Variants in SP7 observed in about 807,000 individuals in gnomAD.
SP7 encodes the protein transcription factor Sp7.
In SP7, 13 loss-of-function variants were observed where a neutral mutation model predicts 27.9. The ratio of observed to expected loss-of-function variants is 0.47; its 90% CI spans 0.30 to 0.74. SP7 has a LOEUF of 0.74. Ranked by LOEUF, SP7 falls within the 30% of genes least tolerant of loss-of-function variation. The pLI is 0.06. For missense variants in SP7, 525 were observed against 558.0 expected (o/e 0.94, Z 0.60); for synonymous variants, 219 against 226.7 (o/e 0.97, Z 0.31).
chr12:53,342,307 G>A (rs1051375288), intron 1 of SP7, among the ~76,000 whole-genome samples: 2 of 151,818 alleles, frequency 1.3e-5, no homozygotes, highest in Non-Finnish European at 1.5e-5. Flanking sequence ...GCTTTCTCTG[G>A]CCTGCTGCAT....
In SP7 at chr12:53,328,844, A is replaced by G; in HGVS notation, c.598T>C (p.Ser200Pro). 2 of 1,602,658 alleles carry G rather than the reference A, an allele frequency of 1.2e-6. No individual in the cohort carries two copies. Among genetic ancestry groups the G allele is most frequent in the South Asian group, 1.1e-5 (1 of 90,188 alleles). Residue 200 changes from serine to proline, a missense_variant, in exon 3 of 3, where the codon TCT becomes CCT. By Grantham distance (74) the Ser-to-Pro change is moderately conservative. Coordinates refer to ENST00000536324, the MANE Select transcript of SP7 (RefSeq NM_001173467.3). The surrounding 1 kb of genome is among the most constrained non-coding windows in gnomAD (Gnocchi z 5.1). Reference sequence around the variant, plus strand: ...GCTGGATTAAGGGGAGCAAAGTCAGATGGGTAGGTGGGCAGCTGGGGGTTC... The same window carrying G: ...GCTGGATTAAGGGGAGCAAAGTCAGGTGGGTAGGTGGGCAGCTGGGGGTTC... ...PLNPQLPTYP[S>P]DFAPLNPAPY...
In SP7 at chr12:53,328,794, C is replaced by T. The variant is rs1157789687; in HGVS notation, c.648G>A (p.Leu216=). The T allele has an allele frequency of 3.8e-6, 6 of 1,596,962 alleles. No homozygotes were observed. Among genetic ancestry groups the T allele is most frequent in the Non-Finnish European group, 5.1e-6 (6 of 1,168,214 alleles). The change falls in exon 3 of 3, where the codon TTG becomes TTA. Residue 216 remains leucine, a synonymous_variant. Transcript: ENST00000536324. The surrounding 1 kb of genome is among the most constrained non-coding windows in gnomAD (Gnocchi z 5.1). ...NPAPYPAPHL[L]QPGPQHVLPQ... is the part of the protein sequence containing the mutation. Reference sequence around the variant, plus strand: ...GCAAGACATGCTGGGGCCCTGGTTGCAAGAGGTGGGGAGCTGGGTAGGGGG... The same window carrying T: ...GCAAGACATGCTGGGGCCCTGGTTGTAAGAGGTGGGGAGCTGGGTAGGGGG...
At chr12:53,342,814 C>CA (rs1214241343) in intron 1 of SP7, among the ~76,000 whole-genome samples, 2 of 147,854 alleles carry the variant, frequency 1.4e-5, no homozygotes, top group Admixed American at 6.8e-5. Context: ...GACTCCGTCT[C>CA]AAAAAATAAA....
rs911771765 is a variant in SP7 at position 53,344,088 on chromosome 12, A to T, written c.-34+1026T>A. Among the ~76,000 whole-genome samples the T allele has an allele frequency of 6.6e-6, 1 of 152,078 alleles. No homozygotes were observed. Reference sequence around the variant, plus strand: ...AAAAAAATAAGTCAATGAAGGGGTGATATTGAGGATGTGAGGTGGAGAGGA... The same window carrying T: ...AAAAAAATAAGTCAATGAAGGGGTGTTATTGAGGATGTGAGGTGGAGAGGA... On this transcript the variant is annotated intron_variant, in intron 1 of 1. Transcript: ENST00000547755. This position sits in a 1 kb window ranked among gnomAD's most constrained non-coding sequence, Gnocchi z 4.6.
At chr12:53,342,817 A>T (rs960232771) in intron 1 of SP7, among the ~76,000 whole-genome samples, 11 of 151,704 alleles carry the variant, frequency 7.3e-5, no homozygotes, top group Non-Finnish European at 1.3e-4. Context: ...TCCGTCTCAA[A>T]AAATAAATAA....
intron 2 of SP7, among the ~76,000 whole-genome samples, chr12:53,329,856 G>A (rs1241733485): frequency 1.0e-4 from 15 of 149,472 alleles, no homozygotes; most frequent in Admixed American, 2.0e-4. Context: ...CTCAGCCTCC[G>A]GAGGAGTTGG....
At chr12:53,332,492 C>A (rs1366022303) in intron 2 of SP7, among the ~76,000 whole-genome samples, 1 of 152,092 alleles carries the variant, frequency 6.6e-6, no homozygotes, top group South Asian at 2.1e-4. Flanking sequence ...ATGGGAAGCT[C>A]ACTTGAGCTA....
In SP7 at chr12:53,328,648, G is replaced by A. The variant is rs1179825039; in HGVS notation, c.794C>T (p.Ala265Val). The A allele has an allele frequency of 1.2e-6, 2 of 1,609,580 alleles. No homozygotes were observed. The highest frequency in any genetic ancestry group is 2.7e-5 in the African/African-American group (2 of 74,850). ...GGSGGYGGSG[A>V]GRSSCDCPNC... ...AGGGCAGTCGCAGGAGGAGCGCCCT[G>A]CCCCACTGCCCCCATATCCACCACT... Residue 265 changes from alanine (A) to valine (V), a missense_variant, in exon 3 of 3, where the codon GCA becomes GTA. Transcript: ENST00000536324. This position sits in a 1 kb window ranked among gnomAD's most constrained non-coding sequence, Gnocchi z 5.1.
chr12:53,335,110 C>G (rs1944751929), intron 2 of SP7, among the ~76,000 whole-genome samples: 2 of 152,014 alleles, frequency 1.3e-5, no homozygotes, highest in South Asian at 4.2e-4. Flanking sequence ...CACACCAGCT[C>G]ACGGGCCCAG....
At chr12:53,338,294 G>T (rs548351354), upstream of SP7, among the ~76,000 whole-genome samples, 1 of 152,180 alleles carries the variant, frequency 6.6e-6, no homozygotes, top group Non-Finnish European at 1.5e-5. Flanking sequence ...TGTTGGGGGG[G>T]AGTCTGAGAC....
rs1270939570 is a variant in SP7, at chr12:53,327,679, C to T, written c.*467G>A. 1.2e-5 allele frequency: 2 copies of T among 160,614 alleles called. No homozygotes were observed. The highest frequency in any genetic ancestry group is 6.1e-5 in the Admixed American group (1 of 16,486). The allele number at this position is 160,614 out of a possible 1,614,324, so 9.9% of individuals were successfully genotyped here. A position where few individuals can be genotyped will look rare whatever the true frequency, so the allele number is the denominator to read the frequency against. ...CCAGGGGGCAATAAATTATCATTATCATTGTGTTTGTAAAAAGGAAAAAAG... is the reference window on the plus strand; with the variant it reads ...CCAGGGGGCAATAAATTATCATTATTATTGTGTTTGTAAAAAGGAAAAAAG... On this transcript the variant is annotated 3_prime_UTR_variant, in exon 3 of 3. Coordinates refer to ENST00000536324, the MANE Select transcript of SP7 (RefSeq NM_001173467.3).
intron 2 of SP7, among the ~76,000 whole-genome samples, chr12:53,333,840 G>A (rs1011956629): frequency 5.9e-5 from 9 of 152,172 alleles, no homozygotes; most frequent in African/African-American, 2.2e-4. Context: ...CGAGGGACAG[G>A]AGGGACTGGT....
At position 53,328,564 on chromosome 12, in the gene SP7, A is replaced by T. The variant is rs1474967118; in HGVS notation, c.878T>A (p.Ile293Asn). Residue 293 changes from isoleucine (I) to asparagine (N), a missense_variant, in exon 3 of 3, where the codon ATC (isoleucine) becomes AAC (asparagine). By Grantham distance (149) the Ile-to-Asn change is moderately radical (BLOSUM62 -3). Transcript: ENST00000536324. The surrounding 1 kb of genome is among the most constrained non-coding windows in gnomAD (Gnocchi z 5.1). ...GCAGCCAGGGATGTGGCAGCTGTGG[A>T]TGGGCTTCTTCCGCAGCCCAGCCGC... ...AAAAGLRKKPIHSCHIPGCGK... is the reference protein window; with the variant it reads ...AAAAGLRKKPNHSCHIPGCGK... The T allele has an allele frequency of 6.2e-7, 1 of 1,611,398 alleles. No individual in the cohort carries two copies. The highest frequency in any genetic ancestry group is 1.3e-5 in the African/African-American group (1 of 74,984).
At position 53,328,436 on chromosome 12, in the gene SP7, T is replaced by G. The variant is rs758844169; in HGVS notation, c.1006A>C (p.Thr336Pro). ...CNWLFCGKRFTRSDELERHVR... is the reference protein window; with the variant it reads ...CNWLFCGKRFPRSDELERHVR... ...TGACGCTCCAGCTCATCCGAACGAG[T>G]GAACCTCTTGCCGCAGAAGAGCCAG... Residue 336 changes from threonine to proline, a missense_variant, in exon 3 of 3, where the codon ACT becomes CCT. By Grantham distance (38) the Thr-to-Pro change is conservative. Transcript: ENST00000536324. The surrounding 1 kb of genome is among the most constrained non-coding windows in gnomAD (Gnocchi z 5.1). 6.2e-7 allele frequency: 1 copy of G among 1,613,572 alleles called. No homozygotes were observed. Among genetic ancestry groups the G allele is most frequent in the East Asian group, 2.2e-5 (1 of 44,888 alleles).
rs1295208013 is a variant in SP7 at position 53,335,705 on chromosome 12, G to A, written c.-47-12C>T. 6 of 1,438,680 alleles carry A rather than the reference G, an allele frequency of 4.2e-6. No individual in the cohort carries two copies. Among genetic ancestry groups the A allele is most frequent in the African/African-American group, 1.5e-5 (1 of 68,644 alleles). The allele number at this position is 1,438,680 out of a possible 1,614,324, so 89.1% of individuals were successfully genotyped here. A position where few individuals can be genotyped will look rare whatever the true frequency, so the allele number is the denominator to read the frequency against. ...GCAGATGGAGAGAGCTGAGCCGGGGGGTGGGGGGGGTAGAGAGAGAAAAGG... is the reference window on the plus strand; with the variant it reads ...GCAGATGGAGAGAGCTGAGCCGGGGAGTGGGGGGGGTAGAGAGAGAAAAGG... On this transcript the variant is annotated splice_polypyrimidine_tract_variant and intron_variant, in intron 1 of 2. Coordinates refer to ENST00000536324, the MANE Select transcript of SP7 (RefSeq NM_001173467.3).
chr12:53,331,665 T>C (rs1944707165), intron 2 of SP7, among the ~76,000 whole-genome samples: 1 of 152,094 alleles, frequency 6.6e-6, no homozygotes, highest in Admixed American at 6.6e-5. Flanking sequence ...CATTCATTGC[T>C]GGGAATCCCA....
At position 53,328,986 on chromosome 12, in the gene SP7, G is replaced by A. The variant is rs777578584; in HGVS notation, c.456C>T (p.Gly152=). The stretch of plus-strand genomic sequence containing the variant: ...TATCCCACCATGGAGTAGGAGTGTT[G>A]CCTGGGCCTGGTGAAATGCCTGCAT... ...GIHAGISPGP[G]NTPTPWWDMH... is the part of the protein sequence containing the mutation. Residue 152 remains glycine (G), a synonymous_variant, in exon 3 of 3, where the codon GGC becomes GGT. Transcript: ENST00000536324. The surrounding 1 kb of genome is among the most constrained non-coding windows in gnomAD (Gnocchi z 5.1). 2 of 1,613,106 alleles carry A rather than the reference G, an allele frequency of 1.2e-6. No individual in the cohort carries two copies. Among genetic ancestry groups the A allele is most frequent in the Non-Finnish European group, 1.7e-6 (2 of 1,179,484 alleles).
chr12:53,335,272 C>A (rs1944753536), intron 2 of SP7, among the ~76,000 whole-genome samples: 1 of 151,494 alleles, frequency 6.6e-6, no homozygotes, highest in Admixed American at 6.6e-5. Context: ...TATTTCCCAC[C>A]CCTCTCTCCT....
intron 1 of SP7, among the ~76,000 whole-genome samples, chr12:53,343,799 C>A (rs1264243780): frequency 6.6e-6 from 1 of 152,112 alleles, no homozygotes; most frequent in African/African-American, 2.4e-5. Context: ...CATACCAGCA[C>A]TTTGAAAGGC....
Sources: gnomAD v4.1 joint callset for allele counts (sites outside exome capture counted in the v4.1 genomes callset) on GRCh38, gnomAD v4.1.1 for gene constraint, Gnocchi (gnomAD v3.1) non-coding constraint, MANE v1.5 for transcripts, NCBI Gene and HGNC (gene_info 2026-07-23, HGNC 2026-07-21) for gene names.